Variants in MACROD1 observed in about 807,000 individuals in gnomAD.
MACROD1 encodes mono-ADP ribosylhydrolase 1.
Under a neutral mutation model 41.4 loss-of-function variants are expected in MACROD1, and 31 were observed. That is an observed-to-expected ratio of 0.75 (90% CI 0.56 to 1.01). The LOEUF is 1.01. MACROD1 is among the 50% of genes least tolerant of loss of function. MACROD1 has a pLI of 0.00. For synonymous variants in MACROD1, 252 were observed against 203.4 expected (o/e 1.24, Z -2.03); for missense variants, 473 against 460.0 (o/e 1.03, Z -0.26).
At chr11:64,073,623 C>T (rs1376380356) in intron 3 of MACROD1, among the ~76,000 whole-genome samples, 4 of 152,326 alleles carry the variant, frequency 2.6e-5, no homozygotes, top group South Asian at 2.1e-4. Context: ...CCAGAGCCAG[C>T]GCTGGGGGTG....
At chr11:64,066,175 T>C (rs1346753925) in intron 3 of MACROD1, among the ~76,000 whole-genome samples, 1 of 150,606 alleles carries the variant, frequency 6.6e-6, no homozygotes, top group Non-Finnish European at 1.5e-5. Flanking sequence ...TGGGCACCTG[T>C]AATCCCAGCT....
intron 3 of MACROD1, among the ~76,000 whole-genome samples, chr11:64,139,062 C>T (rs185646688): frequency 1.3e-4 from 20 of 152,304 alleles, no homozygotes; most frequent in Admixed American, 1.2e-3. Flanking sequence ...CCACCGCGCC[C>T]GGCCCACTGA....
intron 3 of MACROD1, among the ~76,000 whole-genome samples, chr11:64,102,591 G>T (rs887067287): frequency 6.6e-6 from 1 of 152,198 alleles, no homozygotes; most frequent in Non-Finnish European, 1.5e-5. Flanking sequence ...GGCCCTGCAC[G>T]GCCAGGAGCT....
At chr11:64,006,421 C>T (rs1000886531) in intron 4 of MACROD1, among the ~76,000 whole-genome samples, 3 of 152,244 alleles carry the variant, frequency 2.0e-5, no homozygotes, top group Non-Finnish European at 4.4e-5. Flanking sequence ...CCAGGCCCCA[C>T]CCTCTCGGTG....
chr11:64,111,939 T>A (rs1944870579), intron 3 of MACROD1, among the ~76,000 whole-genome samples: 1 of 152,040 alleles, frequency 6.6e-6, no homozygotes, highest in African/African-American at 2.4e-5. Context: ...GCTGCAGGAC[T>A]GTGTCTGGGC....
In MACROD1 at chr11:64,036,374, G is replaced by T. The variant is rs1225504900; in HGVS notation, c.518-21093C>A. On this transcript the variant is annotated intron_variant, in intron 3 of 10. Transcript: ENST00000255681. This position sits in a 1 kb window ranked among gnomAD's most constrained non-coding sequence, Gnocchi z 5.6. Reference sequence around the variant, plus strand: ...AGAGCCAAGCACCAGTAGCGGTGGCGCTGGCCCCGCCGCGGGGAGGCGCGG... The same window carrying T: ...AGAGCCAAGCACCAGTAGCGGTGGCTCTGGCCCCGCCGCGGGGAGGCGCGG... Among the ~76,000 whole-genome samples, 3 of 152,102 alleles carry T rather than the reference G, an allele frequency of 2.0e-5. No homozygotes were observed. The highest frequency in any genetic ancestry group is 7.2e-5 in the African/African-American group (3 of 41,452).
chr11:64,095,523 G>A (rs1944560718), intron 3 of MACROD1, among the ~76,000 whole-genome samples: 2 of 152,308 alleles, frequency 1.3e-5, no homozygotes, highest in South Asian at 4.1e-4. Flanking sequence ...CTGAGTGAGA[G>A]GGCACCTGTC....
At chr11:64,084,578 T>C (rs903183256) in intron 3 of MACROD1, among the ~76,000 whole-genome samples, 1 of 152,152 alleles carries the variant, frequency 6.6e-6, no homozygotes, top group Non-Finnish European at 1.5e-5. Context: ...CTCACTTTCC[T>C]TCTCTGTAAA....
intron 3 of MACROD1, among the ~76,000 whole-genome samples, chr11:64,108,985 G>A (rs146892973): frequency 2.0e-5 from 3 of 152,260 alleles, no homozygotes; most frequent in Admixed American, 2.0e-4. Flanking sequence ...GGGGGTGGGG[G>A]AGACGTGACC....
intron 3 of MACROD1, among the ~76,000 whole-genome samples, chr11:64,021,175 C>A: frequency 6.6e-6 from 1 of 152,234 alleles, no homozygotes; most frequent in East Asian, 1.9e-4. Flanking sequence ...AGTCACTCAG[C>A]TGGATTTAAG....
rs78686269 is a variant in MACROD1 at position 64,026,327 on chromosome 11, G to A, written c.518-11046C>T. On this transcript the variant is annotated intron_variant, in intron 3 of 10. Transcript: ENST00000255681. ...GGTGTGAGCCACTGCGCTCGGCCTC[G>A]TGTTCACTGGTGTTTAATGTTCCAT... Among the ~76,000 whole-genome samples the A allele has an allele frequency of 1.2e-3, 184 of 152,218 alleles. 3 individuals carry two copies. In the East Asian group the frequency reaches 0.031, roughly 26 times the overall value.
At chr11:64,141,504 GC>G (rs1266829646) in intron 3 of MACROD1, among the ~76,000 whole-genome samples, 1 of 152,256 alleles carries the variant, frequency 6.6e-6, no homozygotes. Context: ...CTCCTGGGGA[GC>G]CCTGAAACCA....
intron 4 of MACROD1, among the ~76,000 whole-genome samples, chr11:64,008,132 C>A (rs1387779565): frequency 6.6e-6 from 1 of 152,018 alleles, no homozygotes. Flanking sequence ...CCCGGGCCTG[C>A]GGGTCTACGA....
At chr11:64,048,270 G>A (rs1343550316) in intron 3 of MACROD1, among the ~76,000 whole-genome samples, 2 of 152,266 alleles carry the variant, frequency 1.3e-5, no homozygotes, top group South Asian at 2.1e-4. Flanking sequence ...TGGCAGGAGA[G>A]TCTGCCATGG....
chr11:64,157,311 C>T (rs1046616693), intron 1 of MACROD1, among the ~76,000 whole-genome samples: 7 of 152,142 alleles, frequency 4.6e-5, no homozygotes, highest in African/African-American at 1.7e-4. Flanking sequence ...CCAAGCTGGT[C>T]GTGAACTCCT....
chr11:64,052,012 G>A (rs1198042821), intron 3 of MACROD1, among the ~76,000 whole-genome samples: 2 of 151,684 alleles, frequency 1.3e-5, no homozygotes, highest in African/African-American at 4.9e-5. Context: ...GAGAGCTGGG[G>A]GCTTGCTAAT....
intron 3 of MACROD1, among the ~76,000 whole-genome samples, chr11:64,126,211 C>T (rs1471743627): frequency 2.0e-5 from 3 of 152,180 alleles, no homozygotes; most frequent in Non-Finnish European, 4.4e-5. Flanking sequence ...ACCTGGGTAC[C>T]CAAAGTGAGC....
rs1382617774 is a variant in MACROD1 at position 64,036,504 on chromosome 11, C to T, written c.518-21223G>A. On this transcript the variant is annotated intron_variant, in intron 3 of 10. Coordinates refer to ENST00000255681, the MANE Select transcript of MACROD1 (RefSeq NM_014067.4). This position sits in a 1 kb window ranked among gnomAD's most constrained non-coding sequence, Gnocchi z 5.6. ...TCGCTGCACCCCCCAGGGAGGGGGC[C>T]TGGCCCGTGGGGGGCGTCAGGCCGG... Among the ~76,000 whole-genome samples, 1 of 151,996 alleles carries T rather than the reference C, an allele frequency of 6.6e-6. No homozygotes were observed. The highest frequency in any genetic ancestry group is 1.5e-5 in the Non-Finnish European group (1 of 67,934).
At chr11:64,116,095 C>T in intron 3 of MACROD1, 1 of 988,626 alleles carries the variant, frequency 1.0e-6, no homozygotes, top group Middle Eastern at 3.3e-4. Flanking sequence ...TTGACCTCAC[C>T]CCGCAGGACC....
Sources: allele counts gnomAD v4.1 joint callset (sites outside exome capture counted in the v4.1 genomes callset), GRCh38; gene constraint gnomAD v4.1.1; non-coding constraint Gnocchi (gnomAD v3.1); transcripts MANE v1.5; gene names NCBI Gene and HGNC (gene_info 2026-07-23, HGNC 2026-07-21).